The following TAF3 variants were observed in gnomAD, a reference collection of about 807,000 sequenced individuals.
The protein encoded by TAF3 is transcription initiation factor TFIID subunit 3.
Under a neutral mutation model 80.6 loss-of-function variants are expected in TAF3, and 7 were observed. The observed-to-expected ratio is 0.09, with a 90% CI of 0.05 to 0.16. TAF3 has a LOEUF of 0.16. Among genes scored for constraint, TAF3 ranks in the 10% least tolerant of loss-of-function variants. The probability of loss-of-function intolerance (pLI) is 1.00; values close to 1 mark genes in which losing one functional copy is unlikely to be tolerated. For synonymous variants in TAF3, 444 were observed against 446.1 expected (o/e 1.00, Z 0.06); for missense variants, 921 against 1,140.2 (o/e 0.81, Z 2.77).
chr10:7,838,375 G>GTTGTTGT lies in TAF3; in HGVS notation c.409+13820_409+13821insGTTTGTT, dbSNP rs558146523. 5.6e-3 allele frequency among the ~76,000 whole-genome samples: 854 copies of GTTGTTGT among 151,426 alleles called. 8 individuals are homozygous for GTTGTTGT. Among genetic ancestry groups the GTTGTTGT allele is most frequent in the South Asian group, 0.022 (105 of 4,770 alleles). ...GCCAGTTTTGTTTTTTTTTGTTGTT[G>GTTGTTGT]TTGTTTGTTTGTTTGTTTGTTTTTG... On this transcript the variant is annotated intron_variant, in intron 2 of 6. Coordinates refer to ENST00000344293, the MANE Select transcript of TAF3 (RefSeq NM_031923.4).
intron 2 of TAF3, among the ~76,000 whole-genome samples, chr10:7,926,323 G>T (rs1340957135): frequency 3.9e-5 from 6 of 152,108 alleles, no homozygotes; most frequent in Admixed American, 3.3e-4. Context: ...TGTACATTTT[G>T]TGAATGTTCA....
intron 2 of TAF3, among the ~76,000 whole-genome samples, chr10:7,894,538 A>G (rs188046220): frequency 2.0e-5 from 3 of 152,308 alleles, no homozygotes; most frequent in Non-Finnish European, 4.4e-5. Flanking sequence ...GAACTGTTAA[A>G]AGTAGAACAA....
rs1365850967 is a variant in TAF3, at chr10:7,872,551, T to C, written c.409+47991T>C. ...GAGCAAATTACTCAATGGGGAACGTTTAAAACTCCTGGTTCTATCTTGAGA... is the reference window on the plus strand; with the variant it reads ...GAGCAAATTACTCAATGGGGAACGTCTAAAACTCCTGGTTCTATCTTGAGA... On this transcript the variant is annotated intron_variant, in intron 2 of 6. Transcript: ENST00000344293. Among the ~76,000 whole-genome samples, 5 of 152,356 alleles carry C rather than the reference T, an allele frequency of 3.3e-5. No individual in the cohort carries two copies. In the East Asian group the frequency reaches 9.6e-4, roughly 29 times the overall value.
At chr10:7,894,346 T>C (rs1837486126) in intron 2 of TAF3, among the ~76,000 whole-genome samples, 1 of 152,128 alleles carries the variant, frequency 6.6e-6, no homozygotes, top group Non-Finnish European at 1.5e-5. Context: ...GGTAGACAAG[T>C]ATTATACAGA....
chr10:7,958,212 T>C (rs1838155688), intron 2 of TAF3, among the ~76,000 whole-genome samples: 1 of 152,130 alleles, frequency 6.6e-6, no homozygotes, highest in Non-Finnish European at 1.5e-5. Flanking sequence ...AACATAGAAT[T>C]AAAATTATTC....
intron 4 of TAF3, among the ~76,000 whole-genome samples, chr10:7,982,845 A>AT (rs1472340716): frequency 3.9e-5 from 6 of 152,172 alleles, no homozygotes; most frequent in Non-Finnish European, 8.8e-5. Flanking sequence ...ACCCAAAGGC[A>AT]TTTTTTGTTG....
intron 2 of TAF3, among the ~76,000 whole-genome samples, chr10:7,858,431 G>A (rs2131132712): frequency 6.6e-6 from 1 of 152,252 alleles, no homozygotes; most frequent in African/African-American, 2.4e-5. Context: ...ATGTCAGCTA[G>A]GCTACAATTA....
chr10:7,950,416 T>C (rs1476905384), intron 2 of TAF3, among the ~76,000 whole-genome samples: 1 of 152,180 alleles, frequency 6.6e-6, no homozygotes, highest in Non-Finnish European at 1.5e-5. Context: ...GTTCCTCACG[T>C]GGCTAGTTCT....
At chr10:7,928,132 A>G (rs989497644) in intron 2 of TAF3, among the ~76,000 whole-genome samples, 2 of 152,204 alleles carry the variant, frequency 1.3e-5, no homozygotes, top group African/African-American at 4.8e-5. Context: ...GGTGGGAGTA[A>G]CAACACTGAT....
rs775585989 is a variant in TAF3 at position 7,896,254 on chromosome 10, C to T, written c.410-67666C>T. Among the ~76,000 whole-genome samples, 44 of 152,136 alleles carry T rather than the reference C, an allele frequency of 2.9e-4. 1 individual carries two copies. Among genetic ancestry groups the T allele is most frequent in the Non-Finnish European group, 4.9e-4 (33 of 68,018 alleles). On this transcript the variant is annotated intron_variant, in intron 2 of 6. Coordinates refer to ENST00000344293, the MANE Select transcript of TAF3 (RefSeq NM_031923.4). ...CTTCTCTATATTCTTTTTCTCAGAT[C>T]TTTACTCTTGTGACTCCGTGAATGG...
intron 2 of TAF3, among the ~76,000 whole-genome samples, chr10:7,884,445 G>C (rs960439178): frequency 1.1e-4 from 15 of 133,960 alleles, no homozygotes. Context: ...GGAGTACAGT[G>C]GTGCCATCTC....
chr10:7,914,785 T>C (rs957488982), intron 2 of TAF3, among the ~76,000 whole-genome samples: 2 of 152,150 alleles, frequency 1.3e-5, no homozygotes, highest in African/African-American at 4.8e-5. Context: ...TCTTTAGTGG[T>C]TGGCACTTGT....
intron 2 of TAF3, among the ~76,000 whole-genome samples, chr10:7,897,871 G>A (rs10752120): frequency 0.97 from 147,555 of 152,102 alleles, 71,753 homozygotes; most frequent in East Asian, 1. Flanking sequence ...TTGGTGCCCA[G>A]GCTGGTTTTC....
intron 2 of TAF3, among the ~76,000 whole-genome samples, chr10:7,899,605 G>A (rs1837539396): frequency 6.6e-6 from 1 of 152,154 alleles, no homozygotes; most frequent in African/African-American, 2.4e-5. Flanking sequence ...AAGACAGTCT[G>A]TGCTCAGGAA....
chr10:7,829,250 C>A (rs545539508), intron 2 of TAF3, among the ~76,000 whole-genome samples: 1 of 152,164 alleles, frequency 6.6e-6, no homozygotes, highest in African/African-American at 2.4e-5. Flanking sequence ...CACATCTGAA[C>A]CATTTCTTCT....
At chr10:7,871,160 A>G (rs1052143264) in intron 2 of TAF3, among the ~76,000 whole-genome samples, 3 of 152,112 alleles carry the variant, frequency 2.0e-5, no homozygotes, top group Non-Finnish European at 2.9e-5. Flanking sequence ...ACAATATAAA[A>G]TTCAAAGATT....
Position 7,994,300 on chromosome 10 carries a change from A to G in TAF3, c.2316-14778A>G, listed in dbSNP as rs145534198. Reference sequence around the variant, plus strand: ...TATTTCCACAGATCTGGAATTAGCAATTTCTCCAAGGAACATTGGTTCCTT... The same window carrying G: ...TATTTCCACAGATCTGGAATTAGCAGTTTCTCCAAGGAACATTGGTTCCTT... On this transcript the variant is annotated intron_variant, in intron 4 of 6. Coordinates refer to ENST00000344293, the MANE Select transcript of TAF3 (RefSeq NM_031923.4). Among the ~76,000 whole-genome samples the G allele has an allele frequency of 3.7e-3, 564 of 152,156 alleles. 7 individuals carry two copies. The highest frequency in any genetic ancestry group is 0.012 in the African/African-American group (493 of 41,506).
chr10:7,897,676 CTT>C (rs1210378117), intron 2 of TAF3, among the ~76,000 whole-genome samples: 10 of 140,554 alleles, frequency 7.1e-5, no homozygotes, highest in Admixed American at 7.1e-5. Context: ...TTCTTTCTTT[CTT>C]TTTTTTTTTT....
intron 4 of TAF3, among the ~76,000 whole-genome samples, chr10:8,003,900 C>T (rs1343289174): frequency 6.6e-6 from 1 of 152,016 alleles, no homozygotes; most frequent in African/African-American, 2.4e-5. Flanking sequence ...ACAACCAAAA[C>T]ATTGCCAGTC....
Sources: gnomAD v4.1 joint callset for allele counts (sites outside exome capture counted in the v4.1 genomes callset) on GRCh38, gnomAD v4.1.1 for gene constraint, MANE v1.5 for transcripts, NCBI Gene and HGNC (gene_info 2026-07-23, HGNC 2026-07-21) for gene names.